VGLL4: variants seen among roughly 807,000 people sequenced by gnomAD.
VGLL4 encodes vestigial like family member 4.
In VGLL4, 7 loss-of-function variants were observed where a neutral mutation model predicts 21.0. The ratio of observed to expected loss-of-function variants is 0.33; its 90% CI spans 0.19 to 0.63. The LOEUF (loss-of-function observed/expected upper bound fraction) is 0.63, where lower values mean the gene tolerates loss of function less well. Ranked by LOEUF, VGLL4 falls within the 20% of genes least tolerant of loss-of-function variation. The pLI, the probability that VGLL4 is intolerant of heterozygous loss-of-function variation, is 0.78. For synonymous variants in VGLL4, 222 were observed against 173.2 expected (o/e 1.28, Z -2.21); for missense variants, 394 against 425.7 (o/e 0.93, Z 0.66).
intron 2 of VGLL4, among the ~76,000 whole-genome samples, chr3:11,582,785 G>A (rs2074266676): frequency 6.6e-6 from 1 of 152,166 alleles, no homozygotes; most frequent in Non-Finnish European, 1.5e-5. Flanking sequence ...CTCAGAGAAG[G>A]AATGCCAGAA....
intron 3 of VGLL4, among the ~76,000 whole-genome samples, chr3:11,560,488 A>G (rs916848278): frequency 2.0e-4 from 31 of 152,250 alleles, no homozygotes; most frequent in African/African-American, 7.2e-4. Flanking sequence ...CTCCCCAGCC[A>G]GCCCTTTCCA....
chr3:11,717,399 TA>T (rs1388443006), intron 1 of VGLL4, among the ~76,000 whole-genome samples: 2 of 150,796 alleles, frequency 1.3e-5, no homozygotes, highest in African/African-American at 4.9e-5. Context: ...AGACACGAAA[TA>T]AACTCTCCCT....
At chr3:11,611,037 C>A (rs2075050869) in intron 1 of VGLL4, among the ~76,000 whole-genome samples, 1 of 151,830 alleles carries the variant, frequency 6.6e-6, no homozygotes, top group Admixed American at 6.6e-5. Context: ...TTTAGACTCC[C>A]CAACTTCCAT....
chr3:11,560,912 G>A (rs543659832), intron 3 of VGLL4, among the ~76,000 whole-genome samples: 8 of 152,284 alleles, frequency 5.3e-5, no homozygotes, highest in African/African-American at 1.9e-4. Context: ...TGAGCAGACA[G>A]GCTCGGAAAG....
At chr3:11,661,054 C>G (rs560295631) in intron 2 of VGLL4, among the ~76,000 whole-genome samples, 15 of 152,204 alleles carry the variant, frequency 9.9e-5, no homozygotes, top group African/African-American at 3.4e-4. Flanking sequence ...TGAACACTAC[C>G]CTGCTAGTTG....
At chr3:11,646,823 C>T (rs886182058), upstream of VGLL4, among the ~76,000 whole-genome samples, 2 of 152,108 alleles carry the variant, frequency 1.3e-5, no homozygotes, top group Non-Finnish European at 2.9e-5. Context: ...ACGTCTTTCC[C>T]GCTGATCCGG....
chr3:11,575,638 G>A (rs146660923), intron 2 of VGLL4, among the ~76,000 whole-genome samples: 7 of 152,350 alleles, frequency 4.6e-5, no homozygotes, highest in Non-Finnish European at 7.3e-5. Flanking sequence ...CCAGACACCA[G>A]CCTTAGGAGA....
intron 1 of VGLL4, among the ~76,000 whole-genome samples, chr3:11,708,006 C>A: frequency 6.6e-6 from 1 of 152,156 alleles, no homozygotes; most frequent in East Asian, 1.9e-4. Flanking sequence ...CATTGACAGG[C>A]AAATCAGCAT....
At chr3:11,585,455 G>C (rs1410398918) in intron 2 of VGLL4, among the ~76,000 whole-genome samples, 12 of 151,448 alleles carry the variant, frequency 7.9e-5, no homozygotes, top group Non-Finnish European at 1.8e-4. Context: ...AAGAGAGAGA[G>C]AGAGGGAGAG....
chr3:11,700,744 A>G (rs954675272), intron 2 of VGLL4, among the ~76,000 whole-genome samples: 1 of 152,200 alleles, frequency 6.6e-6, no homozygotes, highest in African/African-American at 2.4e-5. Context: ...GAGAGAGGTG[A>G]TATGCAATTG....
chr3:11,643,281 A>T (rs1218288601), intron 1 of VGLL4, among the ~76,000 whole-genome samples, 156 bp downstream of exon 1: 1 of 152,068 alleles, frequency 6.6e-6, no homozygotes, highest in Non-Finnish European at 1.5e-5. Context: ...AGATCCGAAC[A>T]CACTCGGTGC....
intron 2 of VGLL4, among the ~76,000 whole-genome samples, chr3:11,665,416 C>T (rs933078363): frequency 1.3e-5 from 2 of 152,092 alleles, no homozygotes; most frequent in African/African-American, 4.8e-5. Context: ...CCCGGCCAAA[C>T]ATCTTAATCC....
rs376949751 is a variant in VGLL4, at chr3:11,683,681, C to G, written c.64+19290G>C. On this transcript the variant is annotated intron_variant, in intron 2 of 5. Coordinates refer to the VGLL4 transcript ENST00000273038. The stretch of plus-strand genomic sequence containing the variant: ...TGGTAGTGCATGCCTGTAATCCCAG[C>G]TACTCCGGAGGCTGAGACAGGAGAA... Among the ~76,000 whole-genome samples the G allele has an allele frequency of 2.6e-5, 4 of 152,090 alleles. No homozygotes were observed. In the East Asian group the frequency reaches 5.8e-4, roughly 22 times the overall value.
chr3:11,662,387 T>A (rs2076050207), intron 2 of VGLL4, among the ~76,000 whole-genome samples: 1 of 152,192 alleles, frequency 6.6e-6, no homozygotes, highest in Non-Finnish European at 1.5e-5. Context: ...AAAAGCAAAA[T>A]GTTCGTAATT....
intron 1 of VGLL4, among the ~76,000 whole-genome samples, chr3:11,603,049 A>T (rs1400956145): frequency 6.6e-6 from 1 of 152,212 alleles, no homozygotes; most frequent in Non-Finnish European, 1.5e-5. Context: ...AGTCAACTTC[A>T]TCCGAGGCCT....
In VGLL4 at chr3:11,643,508, A is replaced by G. The variant is rs2075735937; in HGVS notation, c.11T>C (p.Met4Thr). 6.2e-7 allele frequency: 1 copy of G among 1,613,952 alleles called. No individual in the cohort carries two copies. The highest frequency in any genetic ancestry group is 8.5e-7 in the Non-Finnish European group (1 of 1,179,912). ...CTGATAGTTCAACAGGTCCATCTTCATAAATAGCATTTATTGGGCTAGCAA... is the reference window on the plus strand; with the variant it reads ...CTGATAGTTCAACAGGTCCATCTTCGTAAATAGCATTTATTGGGCTAGCAA... MLFMKMDLLNYQYL... is the reference protein window; with the variant it reads MLFTKMDLLNYQYL... The change falls in exon 1 of 5, where the codon ATG becomes ACG. Residue 4 changes from methionine (M) to threonine (T), a missense_variant. Met to Thr is a moderately conservative substitution (Grantham distance 81, BLOSUM62 -1). Transcript: ENST00000430365.
chr3:11,694,791 A>T (rs1293602509), intron 2 of VGLL4, among the ~76,000 whole-genome samples: 2 of 152,228 alleles, frequency 1.3e-5, no homozygotes, highest in Admixed American at 6.5e-5. Context: ...CATGATAGGT[A>T]GACTAACATT....
At chr3:11,623,833 C>T (rs1324786274) in intron 1 of VGLL4, among the ~76,000 whole-genome samples, 2 of 151,912 alleles carry the variant, frequency 1.3e-5, no homozygotes, top group Admixed American at 1.3e-4. Flanking sequence ...CTCAACCTCC[C>T]AGGCTCAAGT....
At position 11,697,425 on chromosome 3, in the gene VGLL4, T is replaced by G. The variant is rs549681253; in HGVS notation, c.64+5546A>C. The stretch of plus-strand genomic sequence containing the variant: ...CCCAGCCTAAAATGCTTTTTTACTG[T>G]GTGCCACAGTCAACCATATTCAAAA... On this transcript the variant is annotated intron_variant, in intron 2 of 5. Coordinates refer to the VGLL4 transcript ENST00000273038. Among the ~76,000 whole-genome samples the G allele has an allele frequency of 3.3e-4, 50 of 152,262 alleles. 3 individuals carry two copies. The South Asian group carries it at 0.01, about 32-fold the overall frequency.
Sources: gnomAD v4.1 joint callset for allele counts (sites outside exome capture counted in the v4.1 genomes callset) on GRCh38, gnomAD v4.1.1 for gene constraint, MANE v1.5 for transcripts, NCBI Gene and HGNC (gene_info 2026-07-23, HGNC 2026-07-21) for gene names.